Variants in FOCAD observed in about 807,000 individuals in gnomAD.
FOCAD encodes the protein KIAA1797.
Under a neutral mutation model 225.6 loss-of-function variants are expected in FOCAD, and 198 were observed. The ratio of observed to expected loss-of-function variants is 0.88; its 90% CI spans 0.78 to 0.99. FOCAD has a LOEUF of 0.99. FOCAD is among the 50% of genes least tolerant of loss of function. The pLI, the probability that FOCAD is intolerant of heterozygous loss-of-function variation, is 0.00. For missense variants in FOCAD, 2,713 were observed against 2,123.6 expected, an observed-to-expected ratio of 1.28 and a Z score of -5.46; for synonymous variants, 897 against 755.0, an observed-to-expected ratio of 1.19 and a Z score of -3.08.
chr9:20,943,324 A>T (rs546716454), intron 28 of FOCAD, among the ~76,000 whole-genome samples: 1 of 152,314 alleles, frequency 6.6e-6, no homozygotes, highest in South Asian at 2.1e-4. Flanking sequence ...TGAATGGCTG[A>T]TCGTTATGCA....
At chr9:20,667,333 T>C (rs1386378092) in intron 2 of FOCAD, among the ~76,000 whole-genome samples, 6 of 152,338 alleles carry the variant, frequency 3.9e-5, no homozygotes, top group Middle Eastern at 3.4e-3. Context: ...TTATTTGAGA[T>C]TGAAATGGAC....
Position 20,929,570 on chromosome 9 carries a change from C to T in FOCAD, c.3291C>T (p.Leu1097=), listed in dbSNP as rs755387815. 6 of 1,613,920 alleles carry T rather than the reference C, an allele frequency of 3.7e-6. No individual in the cohort carries two copies. Among genetic ancestry groups the T allele is most frequent in the Non-Finnish European group, 5.1e-6 (6 of 1,179,960 alleles). ...IHMGLALGMF[L]SRLCEEKLSD... is the part of the protein sequence containing the mutation. ...TGGGCCTTGCTTTAGGGATGTTTCT[C>T]TCTCGCTTGTGTGAAGAGAAACTCA... Residue 1097 remains leucine (L), a synonymous_variant, in exon 27 of 44, where the codon CTC becomes CTT. Transcript: ENST00000338382.
At chr9:20,661,036 G>C (rs1375702216) in intron 2 of FOCAD, among the ~76,000 whole-genome samples, 2 of 152,162 alleles carry the variant, frequency 1.3e-5, no homozygotes, top group Non-Finnish European at 2.9e-5. Context: ...GGAATAATTT[G>C]AGAAGGGATG....
chr9:20,801,074 C>T (rs1238885723), intron 11 of FOCAD, among the ~76,000 whole-genome samples: 1 of 152,088 alleles, frequency 6.6e-6, no homozygotes, highest in Non-Finnish European at 1.5e-5. Context: ...ACAGTCAGTA[C>T]CCTCAACTTC....
chr9:20,949,822 T>C, intron 33 of FOCAD, 147 bp downstream of exon 33: 1 of 601,440 alleles, frequency 1.7e-6, no homozygotes, highest in Non-Finnish European at 2.9e-6. Flanking sequence ...TTGGGAGTGA[T>C]GTGTGGACCT....
At chr9:20,856,962 C>A (rs748107147) in intron 15 of FOCAD, among the ~76,000 whole-genome samples, 9 of 146,436 alleles carry the variant, frequency 6.1e-5, no homozygotes, top group Non-Finnish European at 1.4e-4. Context: ...TGTTTTTATG[C>A]CAATACCATG....
At chr9:20,859,418 C>T (rs1469783495) in intron 15 of FOCAD, among the ~76,000 whole-genome samples, 2 of 150,306 alleles carry the variant, frequency 1.3e-5, no homozygotes, top group Admixed American at 1.3e-4. Context: ...ATATTATTCT[C>T]AATTGTTCCT....
rs141111974 is a variant in FOCAD at position 20,923,718 on chromosome 9, G to T, written c.2911G>T (p.Val971Leu). 140 of 1,613,886 alleles carry T rather than the reference G, an allele frequency of 8.7e-5. No homozygotes were observed. The highest frequency in any genetic ancestry group is 1.2e-4 in the Non-Finnish European group (136 of 1,179,958). ...AGCTCTAAGCAGCCTTGCTGTCGTC[G>T]TATCTAGACATGAAGCCAGCCTCTC... Reference protein sequence around the residue: ...LLALSSLAVVVSRHEASLSSD... With the variant: ...LLALSSLAVVLSRHEASLSSD... Residue 971 changes from valine (V) to leucine (L), a missense_variant, in exon 25 of 44, where the codon GTA (valine) becomes TTA (leucine). By Grantham distance (32) the Val-to-Leu change is conservative. Transcript: ENST00000338382.
At chr9:20,792,406 T>C (rs1437410093) in intron 11 of FOCAD, among the ~76,000 whole-genome samples, 1 of 152,216 alleles carries the variant, frequency 6.6e-6, no homozygotes, top group Non-Finnish European at 1.5e-5. Context: ...AAATAGAATA[T>C]GCCAAAGAGC....
intron 40 of FOCAD, among the ~76,000 whole-genome samples, 182 bp downstream of exon 40, chr9:20,986,647 C>G (rs1446405632): frequency 2.6e-5 from 4 of 152,116 alleles, no homozygotes; most frequent in Non-Finnish European, 4.4e-5. Flanking sequence ...ACAACATCCA[C>G]TTTTTGGAAA....
At chr9:20,877,444 C>G (rs963419012) in intron 19 of FOCAD, among the ~76,000 whole-genome samples, 1 of 152,160 alleles carries the variant, frequency 6.6e-6, no homozygotes, top group Non-Finnish European at 1.5e-5. Context: ...CAGAGCACTT[C>G]ATAGATCACT....
At chr9:20,754,770 T>C (rs531899452) in intron 5 of FOCAD, among the ~76,000 whole-genome samples, 1 of 152,284 alleles carries the variant, frequency 6.6e-6, no homozygotes, top group African/African-American at 2.4e-5. Flanking sequence ...AAGCATTCCA[T>C]TGTGCATAGG....
chr9:20,769,884 T>G (rs921075665), intron 7 of FOCAD, 148 bp from the exon 8 acceptor site: 1 of 665,212 alleles, frequency 1.5e-6, no homozygotes, highest in Non-Finnish European at 2.5e-6. Flanking sequence ...TAGTTAATCC[T>G]TCATGGAGTT....
At chr9:20,851,664 A>C (rs576918998) in intron 15 of FOCAD, among the ~76,000 whole-genome samples, 24 of 152,022 alleles carry the variant, frequency 1.6e-4, no homozygotes, top group Middle Eastern at 3.4e-3. Context: ...CTCTAGACCT[A>C]CTGAGTTAGA....
At chr9:20,730,723 C>T (rs2131603071) in intron 4 of FOCAD, among the ~76,000 whole-genome samples, 1 of 152,188 alleles carries the variant, frequency 6.6e-6, no homozygotes, top group Admixed American at 6.5e-5. Context: ...TCATAGGAAC[C>T]ATCTAATATT....
intron 11 of FOCAD, among the ~76,000 whole-genome samples, chr9:20,795,645 G>A (rs537753694): frequency 4.6e-5 from 7 of 151,898 alleles, no homozygotes; most frequent in Non-Finnish European, 7.4e-5. Context: ...TTAGTCGGGC[G>A]TGGTGGCGGG....
At chr9:20,802,174 T>C (rs763924063) in intron 11 of FOCAD, among the ~76,000 whole-genome samples, 16 of 152,168 alleles carry the variant, frequency 1.1e-4, no homozygotes, top group Non-Finnish European at 1.2e-4. Flanking sequence ...GATTGGACTT[T>C]TGGAAGCTGT....
intron 21 of FOCAD, among the ~76,000 whole-genome samples, chr9:20,906,949 T>TGA (rs1833029936): frequency 6.6e-6 from 1 of 152,122 alleles, no homozygotes; most frequent in Admixed American, 6.6e-5. Flanking sequence ...AGGCTTACTT[T>TGA]ATTTTGTCTT....
rs183450303 is a variant in FOCAD at position 20,805,588 on chromosome 9, C to T, written c.1456-14208C>T. ...TCCTTCCATTATTTGATTTCAGCAT[C>T]TTTCCCCCATTTCTTCTAAAGCTTT... On this transcript the variant is annotated intron_variant, in intron 11 of 43. Transcript: ENST00000338382. 6.6e-5 allele frequency among the ~76,000 whole-genome samples: 10 copies of T among 152,154 alleles called. No homozygotes were observed. The East Asian group carries it at 1.7e-3, about 26-fold the overall frequency.
Sources: gnomAD v4.1 joint callset for allele counts (sites outside exome capture counted in the v4.1 genomes callset) on GRCh38, gnomAD v4.1.1 for gene constraint, MANE v1.5 for transcripts, NCBI Gene and HGNC (gene_info 2026-07-23, HGNC 2026-07-21) for gene names.